The following CYSLTR1 variants were observed in gnomAD, a reference collection of about 807,000 sequenced individuals.
CYSLTR1 encodes the protein G-protein coupled receptor HG55.
Under a neutral mutation model 2.1 loss-of-function variants are expected in CYSLTR1, and 1 was observed. The ratio of observed to expected loss-of-function variants is 0.48; its 90% CI spans 0.17 to 2.28. CYSLTR1 has a LOEUF of 2.28. Among genes scored for constraint, CYSLTR1 ranks in the 30% most tolerant of loss-of-function variants. CYSLTR1 has a pLI of 0.26. For missense variants in CYSLTR1, 299 were observed against 250.1 expected, an observed-to-expected ratio of 1.20 and a Z score of -1.32; for synonymous variants, 110 against 89.6, an observed-to-expected ratio of 1.23 and a Z score of -1.28.
chrX:78,310,327 G>A (rs1923170509), intron 1 of CYSLTR1, among the ~76,000 whole-genome samples: 1 of 111,594 alleles, frequency 9.0e-6, no homozygotes. Flanking sequence ...GGCATTTTAG[G>A]GATGGCAAAA....
chrX:78,298,006 C>G (rs1405770411), intron 1 of CYSLTR1, among the ~76,000 whole-genome samples: 1 of 111,065 alleles, frequency 9.0e-6, no homozygotes, highest in Non-Finnish European at 1.9e-5. Context: ...AATGTAGGTG[C>G]TGGCAGCTAT....
intron 1 of CYSLTR1, among the ~76,000 whole-genome samples, chrX:78,292,904 T>C (rs1272500602): frequency 6.4e-5 from 7 of 109,212 alleles, no homozygotes; most frequent in East Asian, 2.9e-4. Context: ...GAATACAGCA[T>C]ACTGATGGGT....
rs1433998794 is a variant in CYSLTR1 at position 78,272,052 on chromosome X, T to A, written c.*681A>T. 1.8e-5 allele frequency: 2 copies of A among 111,978 alleles called. No individual in the cohort carries two copies. Among genetic ancestry groups the A allele is most frequent in the African/African-American group, 6.5e-5 (2 of 30,851 alleles). The allele number at this position is 111,978 out of a possible 1,213,427, so 9.2% of individuals were successfully genotyped here. A position where few individuals can be genotyped will look rare whatever the true frequency, so the allele number is the denominator to read the frequency against. ...ACTCCACTATTCAATTTTGGGAGCC[T>A]GAGGCAAAGGCAGAAGAAAACTGGA... is the stretch of plus-strand genomic sequence containing the variant. On this transcript the variant is annotated 3_prime_UTR_variant, in exon 3 of 3. Coordinates refer to ENST00000373304, the MANE Select transcript of CYSLTR1 (RefSeq NM_006639.4).
At chrX:78,275,755 T>G (rs1027878728) in intron 2 of CYSLTR1, among the ~76,000 whole-genome samples, 1 of 111,451 alleles carries the variant, frequency 9.0e-6, no homozygotes, top group Non-Finnish European at 1.9e-5. Flanking sequence ...AAGAAAATGC[T>G]TGGTTCCCTC....
intron 2 of CYSLTR1, among the ~76,000 whole-genome samples, chrX:78,276,465 G>A (rs1345592028): frequency 2.7e-5 from 3 of 110,498 alleles, no homozygotes; most frequent in African/African-American, 9.9e-5. Flanking sequence ...AGCCATGAAG[G>A]GGACTGATCT....
intron 2 of CYSLTR1, among the ~76,000 whole-genome samples, chrX:78,281,683 AT>A (rs907467638): frequency 9.0e-6 from 1 of 111,664 alleles, no homozygotes; most frequent in Non-Finnish European, 1.9e-5. Flanking sequence ...AAATAATATA[AT>A]AATTTCAAGT....
intron 1 of CYSLTR1, among the ~76,000 whole-genome samples, chrX:78,289,768 G>T (rs1316866962): frequency 8.9e-6 from 1 of 112,280 alleles, no homozygotes; most frequent in Non-Finnish European, 1.9e-5. Context: ...CTTCTTTTGA[G>T]AAGTGTCTGT....
At chrX:78,285,346 C>T (rs1365479613) in intron 1 of CYSLTR1, among the ~76,000 whole-genome samples, 3 of 101,771 alleles carry the variant, frequency 2.9e-5, no homozygotes, top group Non-Finnish European at 5.9e-5. Flanking sequence ...GGCGTGAACC[C>T]GGGAGGCGGA....
intron 1 of CYSLTR1, among the ~76,000 whole-genome samples, chrX:78,318,302 G>A (rs1396851153): frequency 3.6e-5 from 4 of 111,974 alleles, no homozygotes; most frequent in African/African-American, 1.3e-4. Context: ...ATCAAACACC[G>A]CATATTCTCA....
chrX:78,280,528 G>T (rs764466773), intron 2 of CYSLTR1, among the ~76,000 whole-genome samples: 4 of 106,758 alleles, frequency 3.7e-5, no homozygotes, highest in East Asian at 6.3e-4. Flanking sequence ...TGTGTGTTGG[G>T]GGGGGGGTAA....
chrX:78,322,376 G>T (rs1029290305), intron 1 of CYSLTR1, among the ~76,000 whole-genome samples: 1 of 112,271 alleles, frequency 8.9e-6, no homozygotes, highest in African/African-American at 3.2e-5. Flanking sequence ...TCTTTAAAAT[G>T]TAAATTTTTA....
chrX:78,273,986 C>T (rs1258564162), intron 2 of CYSLTR1, among the ~76,000 whole-genome samples: 1 of 110,403 alleles, frequency 9.1e-6, no homozygotes, highest in African/African-American at 3.3e-5. Context: ...TGTCCTTTCC[C>T]ACCCATGTTT....
At chrX:78,277,407 G>A (rs1921637316) in intron 2 of CYSLTR1, among the ~76,000 whole-genome samples, 1 of 111,725 alleles carries the variant, frequency 9.0e-6, no homozygotes, top group South Asian at 3.8e-4. Flanking sequence ...TAGATAGACT[G>A]CCACTAGCAT....
intron 1 of CYSLTR1, among the ~76,000 whole-genome samples, chrX:78,299,724 T>C (rs1375202155): frequency 9.0e-6 from 1 of 111,559 alleles, no homozygotes; most frequent in African/African-American, 3.3e-5. Context: ...CCTTTCTCTA[T>C]CTTTGACCTC....
rs958888049 is a variant in CYSLTR1, at chrX:78,271,882, G to A, written c.*851C>T. On this transcript the variant is annotated 3_prime_UTR_variant, in exon 3 of 3. Coordinates refer to ENST00000373304, the MANE Select transcript of CYSLTR1 (RefSeq NM_006639.4). ...CCAGCAATTGGCATATAGAAAAGTAGATTCCTTTTCCTTTTCTCTTCTTCA... is the reference window on the plus strand; with the variant it reads ...CCAGCAATTGGCATATAGAAAAGTAAATTCCTTTTCCTTTTCTCTTCTTCA... 8.9e-6 allele frequency: 1 copy of A among 112,200 alleles called. No homozygotes were observed. Among genetic ancestry groups the A allele is most frequent in the South Asian group, 3.7e-4 (1 of 2,712 alleles). The allele number at this position is 112,200 out of a possible 1,213,427, so 9.2% of individuals were successfully genotyped here.
intron 1 of CYSLTR1, among the ~76,000 whole-genome samples, chrX:78,304,910 G>GTGA (rs1922970168): frequency 8.9e-6 from 1 of 111,805 alleles, no homozygotes; most frequent in African/African-American, 3.3e-5. Flanking sequence ...AGTTGGTCTG[G>GTGA]TGATAATTTC....
intron 2 of CYSLTR1, among the ~76,000 whole-genome samples, chrX:78,276,093 T>C (rs1921577587): frequency 8.9e-6 from 1 of 112,276 alleles, no homozygotes; most frequent in African/African-American, 3.2e-5. Context: ...CTTGTTCTCT[T>C]TCTAGACTTC....
At chrX:78,277,951 T>A (rs1320809321) in intron 2 of CYSLTR1, among the ~76,000 whole-genome samples, 1 of 111,562 alleles carries the variant, frequency 9.0e-6, no homozygotes. Flanking sequence ...AGACATAGAA[T>A]TCAAAAATCT....
chrX:78,273,047 T>C lies in CYSLTR1; in HGVS notation c.700A>G (p.Met234Val), dbSNP rs1921357789. 1 of 1,211,669 alleles carries C rather than the reference T, an allele frequency of 8.3e-7. No homozygotes were observed. The highest frequency in any genetic ancestry group is 2.2e-5 in the Admixed American group (1 of 45,967). Residue 234 changes from methionine (M) to valine (V), a missense_variant, in exon 3 of 3, where the codon ATG becomes GTG. Physicochemically the swap from Met to Val is conservative, Grantham distance 21 (BLOSUM62 1). Coordinates refer to ENST00000373304, the MANE Select transcript of CYSLTR1 (RefSeq NM_006639.4). ...AAGGCAGCGGTCACGACCATGATCA[T>C]TCCTATAGCCTTTTTATGACTTGAC... Reference protein sequence around the residue: ...NLSSHKKAIGMIMVVTAAFLV... With the variant: ...NLSSHKKAIGVIMVVTAAFLV...
Sources: gnomAD v4.1 joint callset for allele counts (sites outside exome capture counted in the v4.1 genomes callset) on GRCh38, gnomAD v4.1.1 for gene constraint, MANE v1.5 for transcripts, NCBI Gene and HGNC (gene_info 2026-07-23, HGNC 2026-07-21) for gene names.